Variants in HNF1A observed in about 807,000 individuals in gnomAD.
HNF1A encodes hepatocyte nuclear factor 1-alpha.
HNF1A carries 21 observed loss-of-function variants against 62.2 expected under a neutral mutation model. That is an observed-to-expected ratio of 0.34 (90% CI 0.24 to 0.49). HNF1A has a LOEUF of 0.49. Among genes scored for constraint, HNF1A ranks in the 20% least tolerant of loss-of-function variants. HNF1A has a pLI of 0.99. For synonymous variants in HNF1A, 374 were observed against 366.8 expected (o/e 1.02, Z -0.22); for missense variants, 687 against 832.3 (o/e 0.83, Z 2.15).
At chr12:120,982,391 A>G (rs1278755551) in intron 1 of HNF1A, among the ~76,000 whole-genome samples, 1 of 151,896 alleles carries the variant, frequency 6.6e-6, no homozygotes, top group Non-Finnish European at 1.5e-5. Context: ...CCAATCTTGA[A>G]GTATTCTGAT....
chr12:120,997,702 A>G, intron 7 of HNF1A, 37 bp downstream of exon 7: 1 of 1,584,288 alleles, frequency 6.3e-7, no homozygotes, highest in Non-Finnish European at 8.6e-7. Context: ...GGAGATGATG[A>G]TAGAGGTTGG....
At position 121,001,926 on chromosome 12, in the gene HNF1A, C is replaced by T. The variant is rs1877515596; in HGVS notation, c.*734C>T. Reference sequence around the variant, plus strand: ...TGTATTTGTTCCCAAGAGCATCATGCCTCTGAGGCCAGCCTGGCCTCCTGC... The same window carrying T: ...TGTATTTGTTCCCAAGAGCATCATGTCTCTGAGGCCAGCCTGGCCTCCTGC... On this transcript the variant is annotated 3_prime_UTR_variant, in exon 10 of 10. Transcript: ENST00000257555. 1.9e-6 allele frequency: 1 copy of T among 520,184 alleles called. No individual in the cohort carries two copies. The highest frequency in any genetic ancestry group is 1.6e-5 in the South Asian group (1 of 62,750). The allele number at this position is 520,184 out of a possible 1,614,324, so 32.2% of individuals were successfully genotyped here.
chr12:120,983,681 GA>G (rs1339545321), intron 1 of HNF1A, among the ~76,000 whole-genome samples: 1 of 151,900 alleles, frequency 6.6e-6, no homozygotes. Context: ...GAGTAGCTGG[GA>G]CCACAGGCAT....
intron 9 of HNF1A, among the ~76,000 whole-genome samples, chr12:121,000,015 T>C (rs1304530151): frequency 6.6e-6 from 1 of 152,190 alleles, no homozygotes; most frequent in African/African-American, 2.4e-5. Context: ...AAATCAGGAA[T>C]TTTCACATAG....
At chr12:120,990,616 A>ATAGGAAAGGGAGGAAAGGGAGGAAAGG (rs1565884430) in intron 2 of HNF1A, among the ~76,000 whole-genome samples, 2 of 143,884 alleles carry the variant, frequency 1.4e-5, no homozygotes, top group African/African-American at 5.2e-5. Flanking sequence ...GGGAGGAAAG[A>ATAGGAAAGGGAGGAAAGGGAGGAAAGG]TAGGAAAGGG....
intron 1 of HNF1A, among the ~76,000 whole-genome samples, chr12:120,988,266 A>T (rs926759136): frequency 7.7e-6 from 1 of 129,534 alleles, no homozygotes; most frequent in Non-Finnish European, 1.6e-5. Flanking sequence ...CCATCCACCC[A>T]CCCACCCACC....
chr12:120,997,874 C>T, intron 7 of HNF1A: 1 of 710,344 alleles, frequency 1.4e-6, no homozygotes, highest in Non-Finnish European at 2.6e-6. Context: ...GTGAGCAGAT[C>T]CCTAGTGCGT....
chr12:120,982,644 A>T (rs1190083448), intron 1 of HNF1A, among the ~76,000 whole-genome samples: 2 of 152,208 alleles, frequency 1.3e-5, no homozygotes, highest in Admixed American at 6.5e-5. Flanking sequence ...CTTGTAGAGT[A>T]AACATGTAGT....
At chr12:120,987,731 A>G (rs1876588523) in intron 1 of HNF1A, among the ~76,000 whole-genome samples, 1 of 151,718 alleles carries the variant, frequency 6.6e-6, no homozygotes, top group African/African-American at 2.4e-5. Context: ...TTCAGTTCTA[A>G]GACAGCCTTT....
intron 1 of HNF1A, among the ~76,000 whole-genome samples, chr12:120,980,416 G>A (rs1464791506): frequency 6.6e-6 from 1 of 152,048 alleles, no homozygotes; most frequent in Non-Finnish European, 1.5e-5. Flanking sequence ...GCCTCAGGGA[G>A]CCTCCCGAGG....
At position 120,993,580 on chromosome 12, in the gene HNF1A, C is replaced by G. The variant is rs2135839145; in HGVS notation, c.587C>G (p.Thr196Ser). 1 of 1,614,114 alleles carries G rather than the reference C, an allele frequency of 6.2e-7. No homozygotes were observed. ...GAGCCCACAGGTGATGAGCTACCAA[C>G]CAAGAAGGGGCGGAGGAACCGTTTC... Reference protein sequence around the residue: ...IEEPTGDELPTKKGRRNRFKW... With the variant: ...IEEPTGDELPSKKGRRNRFKW... The change falls in exon 3 of 10, where the codon ACC becomes AGC. Residue 196 changes from threonine to serine, a missense_variant. By Grantham distance (58) the Thr-to-Ser change is moderately conservative. Coordinates refer to ENST00000257555, the MANE Select transcript of HNF1A (RefSeq NM_000545.8).
rs1308206661 is a variant in HNF1A at position 120,996,840 on chromosome 12, T to TCATTCATA, written c.1309+101_1309+102insTCATACAT. On this transcript the variant is annotated intron_variant, in intron 6 of 9. Coordinates refer to ENST00000257555, the MANE Select transcript of HNF1A (RefSeq NM_000545.8). This position sits in a 1 kb window ranked among gnomAD's most constrained non-coding sequence, Gnocchi z 4.5. The stretch of plus-strand genomic sequence containing the variant: ...GAGCCACTGGGACTCATTCATTCAT[T>TCATTCATA]CATACAACATGTATTTATCCAGTGC... The TCATTCATA allele has an allele frequency of 6.4e-7, 1 of 1,555,578 alleles. No individual in the cohort carries two copies. The highest frequency in any genetic ancestry group is 1.9e-5 in the Admixed American group (1 of 51,440).
intron 2 of HNF1A, among the ~76,000 whole-genome samples, chr12:120,991,304 T>A (rs927910400): frequency 2.6e-5 from 4 of 151,014 alleles, no homozygotes; most frequent in African/African-American, 9.7e-5. Context: ...AAAAAAAAAA[T>A]GTATGCAGGC....
intron 1 of HNF1A, among the ~76,000 whole-genome samples, chr12:120,986,136 G>C (rs1342116956): frequency 1.3e-5 from 2 of 152,162 alleles, no homozygotes; most frequent in Admixed American, 6.5e-5. Context: ...AGAGTCCCCA[G>C]TTCCTTGCGT....
intron 1 of HNF1A, chr12:120,979,795 G>C (rs1040457573): frequency 1.3e-5 from 2 of 152,678 alleles, no homozygotes; most frequent in Non-Finnish European, 2.9e-5. Flanking sequence ...CTCCTCAGCA[G>C]AGCTGACCTA....
At chr12:120,990,131 ATTTT>A (rs371557761) in intron 2 of HNF1A, among the ~76,000 whole-genome samples, 2 of 150,630 alleles carry the variant, frequency 1.3e-5, no homozygotes, top group African/African-American at 2.4e-5. Context: ...ATCCAGGTTA[ATTTT>A]TTTTTATTAT....
At position 120,978,908 on chromosome 12, in the gene HNF1A, G is replaced by A. The variant is rs1391743259; in HGVS notation, c.140G>A (p.Gly47Glu). 1.2e-6 allele frequency: 2 copies of A among 1,612,840 alleles called. No homozygotes were observed. Among genetic ancestry groups the A allele is most frequent in the African/African-American group, 1.3e-5 (1 of 74,924 alleles). Residue 47 changes from glycine to glutamate, a missense_variant, in exon 1 of 10, where the codon GGG becomes GAG. Around this residue, in one of 5 missense-constraint regions of HNF1A, gnomAD observed 159 missense variants for 154.4 expected, o/e 1.03. Coordinates refer to ENST00000257555, the MANE Select transcript of HNF1A (RefSeq NM_000545.8). ...LLAGEGPLDK[G>E]ESCGGGRGEL... ...GCTGGAGAAGGCCCCCTGGACAAGG[G>A]GGAGTCCTGCGGCGGCGGTCGAGGG...
rs565417234 is a variant in HNF1A, at chr12:120,990,878, T to A, written c.526+1846T>A. On this transcript the variant is annotated intron_variant, in intron 2 of 9. Coordinates refer to ENST00000257555, the MANE Select transcript of HNF1A (RefSeq NM_000545.8). ...AGAGATTTTCTGCATATAGTAGCAA[T>A]AGATATGTTATTTTCTTGCTCTTTT... 6.6e-5 allele frequency among the ~76,000 whole-genome samples: 10 copies of A among 152,282 alleles called. No homozygotes were observed. The East Asian group carries it at 1.9e-3, about 29-fold the overall frequency.
chr12:120,979,674 C>T (rs545524447), intron 1 of HNF1A: 21 of 156,306 alleles, frequency 1.3e-4, no homozygotes, highest in Non-Finnish European at 2.3e-4. Flanking sequence ...CCACAGGCAC[C>T]CCACCTCACC....
Sources: gnomAD v4.1 joint callset for allele counts (sites outside exome capture counted in the v4.1 genomes callset) on GRCh38, gnomAD v4.1.1 for gene constraint, gnomAD v4.1.1 regional missense constraint, Gnocchi (gnomAD v3.1) non-coding constraint, MANE v1.5 for transcripts, NCBI Gene and HGNC (gene_info 2026-07-23, HGNC 2026-07-21) for gene names.